Variants in NFYA observed in about 807,000 individuals in gnomAD.
NFYA encodes nuclear transcription factor Y subunit alpha, also known as CAAT-box DNA binding protein subunit A.
A neutral mutation model predicts 52.8 loss-of-function variants in NFYA; 28 were observed. That is an observed-to-expected ratio of 0.53 (90% CI 0.39 to 0.73). The LOEUF is 0.73. Among genes scored for constraint, NFYA ranks in the 30% least tolerant of loss-of-function variants. NFYA has a pLI of 0.00. For synonymous variants in NFYA, 150 were observed against 150.7 expected (o/e 1.00, Z 0.03); for missense variants, 234 against 427.0 (o/e 0.55, Z 3.98).
At chr6:41,079,302 G>A (rs1338768103) in intron 2 of NFYA, 138 bp downstream of exon 2, 4 of 750,248 alleles carry the variant, frequency 5.3e-6, no homozygotes, top group Non-Finnish European at 8.9e-6. Flanking sequence ...GGCTTGTGCT[G>A]AAATGCCATG....
chr6:41,077,730 TTGCTCCCTG>T (rs984507781), intron 1 of NFYA, among the ~76,000 whole-genome samples: 18 of 152,176 alleles, frequency 1.2e-4, no homozygotes, highest in African/African-American at 2.2e-4. Flanking sequence ...CTGATTATAT[TTGCTCCCTG>T]TTGGCCAATC....
chr6:41,089,284 C>G (rs796684789), intron 4 of NFYA, among the ~76,000 whole-genome samples: 1 of 152,146 alleles, frequency 6.6e-6, no homozygotes, highest in Non-Finnish European at 1.5e-5. Context: ...ACACCCAGCC[C>G]AGAGTGTATT....
intron 3 of NFYA, among the ~76,000 whole-genome samples, chr6:41,081,308 T>G (rs1345142668): frequency 2.0e-5 from 3 of 152,012 alleles, no homozygotes. Flanking sequence ...GCAAACATGG[T>G]GAAACCCTGT....
At chr6:41,084,833 G>A (rs552575658) in intron 4 of NFYA, among the ~76,000 whole-genome samples, 3 of 152,192 alleles carry the variant, frequency 2.0e-5, no homozygotes, top group East Asian at 1.9e-4. Context: ...GTGGTGGCAC[G>A]CACCTGTAAT....
At chr6:41,095,710 C>T (rs190895099) in intron 9 of NFYA, among the ~76,000 whole-genome samples, 2 of 152,310 alleles carry the variant, frequency 1.3e-5, no homozygotes, top group East Asian at 3.9e-4. Context: ...GGATTACAGG[C>T]GCACACCATT....
At chr6:41,086,625 C>T (rs1267493562) in intron 4 of NFYA, among the ~76,000 whole-genome samples, 3 of 152,000 alleles carry the variant, frequency 2.0e-5, no homozygotes, top group South Asian at 4.1e-4. Context: ...AAAGCTTGCA[C>T]CCTCTAAGAA....
Position 41,097,448 on chromosome 6 carries a change from TCTCA to T in NFYA, c.*41_*44del. Reference sequence around the variant, plus strand: ...TGATGGAGCTGATCAAGGTCATGTTTCTCACTGTTCCAGGAAATTGATCAACTCT... The same window carrying T: ...TGATGGAGCTGATCAAGGTCATGTTTCTGTTCCAGGAAATTGATCAACTCT... On this transcript the variant is annotated 3_prime_UTR_variant, in exon 10 of 10. Coordinates refer to ENST00000341376, the MANE Select transcript of NFYA (RefSeq NM_002505.5). 6.2e-7 allele frequency: 1 copy of T among 1,603,822 alleles called. No homozygotes were observed. The highest frequency in any genetic ancestry group is 8.5e-7 in the Non-Finnish European group (1 of 1,171,162).
rs1209864538 is a variant in NFYA at position 41,100,939 on chromosome 6, GGCGGCAGGC to G, written c.*3530_*3538del. 1 of 152,272 alleles carries G rather than the reference GGCGGCAGGC, an allele frequency of 6.6e-6. No homozygotes were observed. Among genetic ancestry groups the G allele is most frequent in the Admixed American group, 6.5e-5 (1 of 15,292 alleles). The allele number at this position is 152,272 out of a possible 1,614,324, so 9.4% of individuals were successfully genotyped here. A position where few individuals can be genotyped will look rare whatever the true frequency, so the allele number is the denominator to read the frequency against. On this transcript the variant is annotated 3_prime_UTR_variant, in exon 10 of 10. Transcript: ENST00000341376. The stretch of plus-strand genomic sequence containing the variant: ...CCAAGGAAGCCTGCGCGGATTGATC[GGCGGCAGGC>G]CTCCAATAGAGCCTGCTAGGCGGAT...
intron 1 of NFYA, among the ~76,000 whole-genome samples, chr6:41,073,901 C>A (rs888068688): frequency 9.9e-5 from 15 of 151,648 alleles, no homozygotes; most frequent in Non-Finnish European, 2.1e-4. Flanking sequence ...CGCACACCTC[C>A]GTCTTGGAGC....
rs1763836471 is a variant in NFYA at position 41,079,156 on chromosome 6, C to A, written c.67C>A (p.Gln23Lys). 48 of 1,614,022 alleles carry A rather than the reference C, an allele frequency of 3.0e-5. No individual in the cohort carries two copies. The highest frequency in any genetic ancestry group is 4.1e-5 in the Non-Finnish European group (48 of 1,180,004). ...EQIVVQAGQI[Q>K]QQQQGGVTAV... ...GATTGTTGTCCAGGCAGGACAGATT[C>A]AGCAGCAGGTATGGAAGCAAAACTG... Residue 23 changes from glutamine (Q) to lysine (K), a missense_variant, in exon 2 of 10, where the codon CAG becomes AAG. Physicochemically the swap from Gln to Lys is moderately conservative, Grantham distance 53. Coordinates refer to ENST00000341376, the MANE Select transcript of NFYA (RefSeq NM_002505.5).
chr6:41,086,475 A>G (rs1764046652), intron 4 of NFYA, among the ~76,000 whole-genome samples: 1 of 152,110 alleles, frequency 6.6e-6, no homozygotes, highest in South Asian at 2.1e-4. Context: ...GTGAGATTCC[A>G]TAGCCTCCCT....
In NFYA at chr6:41,093,079, G is replaced by A; in HGVS notation, c.882G>A (p.Glu294=). The A allele has an allele frequency of 1.2e-6, 2 of 1,614,058 alleles. No individual in the cohort carries two copies. Among genetic ancestry groups the A allele is most frequent in the Non-Finnish European group, 1.7e-6 (2 of 1,179,940 alleles). The change falls in exon 8 of 10, where the codon GAG becomes GAA. Residue 294 remains glutamate, a synonymous_variant. Coordinates refer to ENST00000341376, the MANE Select transcript of NFYA (RefSeq NM_002505.5). ...AGGCAGAAGGGAAAATTCCAAAGGA[G>A]AGAAGGGTATGTATAACATTGGGAA... ...KLEAEGKIPK[E]RRKYLHESRH... is the part of the protein sequence containing the mutation.
At chr6:41,082,983 A>G (rs1052804059) in intron 3 of NFYA, among the ~76,000 whole-genome samples, 2 of 152,226 alleles carry the variant, frequency 1.3e-5, no homozygotes, top group Non-Finnish European at 2.9e-5. Context: ...TAACCTACTC[A>G]TCTAGGACAG....
chr6:41,097,237 C>A, intron 9 of NFYA, 120 bp from the exon 10 acceptor site: 1 of 863,558 alleles, frequency 1.2e-6, no homozygotes, highest in Non-Finnish European at 1.9e-6. Context: ...AGATGTATTA[C>A]AAGCCTTTGA....
rs3804275 is a variant in NFYA, at chr6:41,087,546, T to G, written c.310-2033T>G. ...CAGACTGCCATCTATGTTGAAGCAA[T>G]GCTCAAATAAAAAAAGTTTGTTGAT... On this transcript the variant is annotated intron_variant, in intron 4 of 9. Transcript: ENST00000341376. Among the ~76,000 whole-genome samples, 9 of 152,304 alleles carry G rather than the reference T, an allele frequency of 5.9e-5. No homozygotes were observed. The East Asian group carries it at 1.7e-3, about 29-fold the overall frequency.
At chr6:41,093,187 A>AGTATCTAACGTCAATTGT in intron 8 of NFYA, 102 bp downstream of exon 8, 3 of 1,002,704 alleles carry the variant, frequency 3.0e-6, no homozygotes, top group Non-Finnish European at 4.3e-6. Flanking sequence ...CTTCCAAACA[A>AGTATCTAACGTCAATTGT]TTGACGTTAG....
intron 9 of NFYA, among the ~76,000 whole-genome samples, chr6:41,095,383 C>G (rs1307401544): frequency 6.6e-6 from 1 of 152,176 alleles, no homozygotes; most frequent in Non-Finnish European, 1.5e-5. Context: ...TCATGCATGT[C>G]TATCTCCCTA....
At chr6:41,080,725 C>G (rs547019580) in intron 2 of NFYA, 86 bp from the exon 3 acceptor site, 3 of 1,112,122 alleles carry the variant, frequency 2.7e-6, no homozygotes, top group Admixed American at 1.8e-5. Context: ...TTCCGTCTCT[C>G]TCCTCCAAGA....
chr6:41,074,623 G>C (rs910234534), intron 1 of NFYA, among the ~76,000 whole-genome samples: 2 of 152,236 alleles, frequency 1.3e-5, no homozygotes, highest in Non-Finnish European at 2.9e-5. Context: ...TTGGAGGCAG[G>C]AAGATGGGAT....
Sources: allele counts gnomAD v4.1 joint callset (sites outside exome capture counted in the v4.1 genomes callset), GRCh38; gene constraint gnomAD v4.1.1; transcripts MANE v1.5; gene names NCBI Gene and HGNC (gene_info 2026-07-23, HGNC 2026-07-21).